AGMO: variants seen among roughly 807,000 people sequenced by gnomAD.
The protein encoded by AGMO is glyceryl-ether monooxygenase.
A neutral mutation model predicts 60.2 loss-of-function variants in AGMO; 75 were observed. The ratio of observed to expected loss-of-function variants is 1.25; its 90% CI spans 1.03 to 1.51. AGMO has a LOEUF of 1.51. Ranked by LOEUF, AGMO falls within the 40% of genes most tolerant of loss-of-function variation. The pLI is 0.00. For missense variants in AGMO, 763 were observed against 525.5 expected, an observed-to-expected ratio of 1.45 and a Z score of -4.42; for synonymous variants, 261 against 177.1, an observed-to-expected ratio of 1.47 and a Z score of -3.76.
chr7:15,352,426 T>C (rs1371973184), intron 12 of AGMO, among the ~76,000 whole-genome samples: 1 of 151,860 alleles, frequency 6.6e-6, no homozygotes, highest in African/African-American at 2.4e-5. Context: ...GGCAGACATT[T>C]CTAATTGATT....
intron 10 of AGMO, among the ~76,000 whole-genome samples, chr7:15,367,223 T>C (rs538721694): frequency 6.6e-6 from 1 of 151,596 alleles, no homozygotes. Context: ...TGGGTTTTTA[T>C]CCTAATGTAC....
intron 3 of AGMO, among the ~76,000 whole-genome samples, chr7:15,539,351 T>C (rs1472747710): frequency 2.0e-5 from 3 of 152,184 alleles, no homozygotes; most frequent in Non-Finnish European, 4.4e-5. Context: ...AGCATCCATG[T>C]GTTCTCGTTG....
chr7:15,367,208 TA>T (rs1168561219), intron 10 of AGMO, among the ~76,000 whole-genome samples: 1 of 151,960 alleles, frequency 6.6e-6, no homozygotes, highest in East Asian at 1.9e-4. Flanking sequence ...TACAGTTGCA[TA>T]AAGTGGGTTT....
chr7:15,525,432 C>G (rs1488818202), intron 3 of AGMO, among the ~76,000 whole-genome samples: 1 of 152,094 alleles, frequency 6.6e-6, no homozygotes, highest in East Asian at 1.9e-4. Context: ...CACTGCCATG[C>G]TCACCTTTGA....
chr7:15,123,085 C>T, the AGMO span, among the ~76,000 whole-genome samples: 4 of 151,970 alleles, frequency 2.6e-5, no homozygotes, highest in Non-Finnish European at 5.9e-5. Flanking sequence ...TGTGCTCTTG[C>T]CCTAGGGACC....
chr7:15,331,415 T>A (rs1227328472), intron 12 of AGMO, among the ~76,000 whole-genome samples: 2 of 152,094 alleles, frequency 1.3e-5, no homozygotes, highest in Admixed American at 6.6e-5. Flanking sequence ...TGAAAAAATA[T>A]ATATAATGAG....
intron 12 of AGMO, among the ~76,000 whole-genome samples, chr7:15,267,193 G>C (rs1046847217): frequency 6.6e-6 from 1 of 151,906 alleles, no homozygotes; most frequent in Non-Finnish European, 1.5e-5. Context: ...TTATGTGCTT[G>C]AACTAATCCT....
the AGMO span, among the ~76,000 whole-genome samples, chr7:15,130,246 T>C: frequency 6.6e-5 from 10 of 152,070 alleles, no homozygotes; most frequent in African/African-American, 2.4e-4. Flanking sequence ...ATATTTATTT[T>C]CCTTTTTTTC....
chr7:15,251,632 C>A (rs2128506597), intron 12 of AGMO, among the ~76,000 whole-genome samples: 1 of 152,276 alleles, frequency 6.6e-6, no homozygotes, highest in Non-Finnish European at 1.5e-5. Flanking sequence ...CATTTAGATT[C>A]AATGGACTGC....
chr7:15,452,174 T>C (rs903359956), intron 3 of AGMO, among the ~76,000 whole-genome samples: 2 of 152,092 alleles, frequency 1.3e-5, no homozygotes, highest in Non-Finnish European at 2.9e-5. Context: ...TGACATTGGA[T>C]TAGGCAATGG....
chr7:15,555,945 C>T lies in AGMO; in HGVS notation c.257+4196G>A, dbSNP rs375246026. Among the ~76,000 whole-genome samples the T allele has an allele frequency of 2.8e-4, 42 of 151,988 alleles. 1 individual carries two copies. The East Asian group carries it at 7.7e-3, about 28-fold the overall frequency. On this transcript the variant is annotated intron_variant, in intron 2 of 12. Transcript: ENST00000342526. ...ACATGGGGATTTTAAATAATTATTT[C>T]TAAGTTAATACATTTAGTATTAATA...
intron 10 of AGMO, 109 bp from the exon 11 acceptor site, chr7:15,366,331 T>C: frequency 1.5e-6 from 1 of 663,488 alleles, no homozygotes; most frequent in Non-Finnish European, 2.5e-6. Context: ...GTTGCACCAC[T>C]TGTCATTGAC....
At chr7:15,549,153 G>A (rs1469572712) in intron 2 of AGMO, among the ~76,000 whole-genome samples, 2 of 145,812 alleles carry the variant, frequency 1.4e-5, no homozygotes, top group African/African-American at 5.2e-5. Context: ...CCCTAAAAGA[G>A]CTCCTGAAGG....
chr7:15,411,009 A>G (rs1490901403), intron 5 of AGMO, among the ~76,000 whole-genome samples: 1 of 152,054 alleles, frequency 6.6e-6, no homozygotes, highest in African/African-American at 2.4e-5. Flanking sequence ...GGAATCTTTA[A>G]GATGTGATTA....
At chr7:15,502,243 A>G (rs1312380196) in intron 3 of AGMO, among the ~76,000 whole-genome samples, 1 of 151,986 alleles carries the variant, frequency 6.6e-6, no homozygotes, top group African/African-American at 2.4e-5. Flanking sequence ...TTCAGACTAG[A>G]GGAGATCAAC....
At chr7:15,272,789 CTGT>C (rs1342639447) in intron 12 of AGMO, among the ~76,000 whole-genome samples, 3 of 152,112 alleles carry the variant, frequency 2.0e-5, no homozygotes, top group Non-Finnish European at 4.4e-5. Context: ...TCTCCAGCAC[CTGT>C]TGTTTCCTGA....
chr7:15,355,911 G>T (rs548162948), intron 12 of AGMO, among the ~76,000 whole-genome samples: 3 of 152,072 alleles, frequency 2.0e-5, no homozygotes, highest in East Asian at 1.9e-4. Flanking sequence ...TCAAGAAAAA[G>T]AAAACAATGG....
intron 12 of AGMO, among the ~76,000 whole-genome samples, chr7:15,321,170 T>A (rs1426335124): frequency 3.9e-5 from 6 of 152,164 alleles, no homozygotes; most frequent in African/African-American, 1.4e-4. Flanking sequence ...CTGGAATTAA[T>A]AGAATGCTAT....
intron 3 of AGMO, among the ~76,000 whole-genome samples, chr7:15,462,976 C>T (rs1782184745): frequency 6.6e-6 from 1 of 152,098 alleles, no homozygotes; most frequent in Non-Finnish European, 1.5e-5. Context: ...GGACCCTTTG[C>T]CCAGAATTTC....
Sources: allele counts gnomAD v4.1 joint callset (sites outside exome capture counted in the v4.1 genomes callset), GRCh38; gene constraint gnomAD v4.1.1; transcripts MANE v1.5; gene names NCBI Gene and HGNC (gene_info 2026-07-23, HGNC 2026-07-21).